Variants in SCMH1 observed in about 807,000 individuals in gnomAD.
The protein encoded by SCMH1 is Scm polycomb group protein homolog 1, also known as polycomb protein SCMH1.
Under a neutral mutation model 70.8 loss-of-function variants are expected in SCMH1, and 37 were observed. The ratio of observed to expected loss-of-function variants is 0.52; its 90% CI spans 0.40 to 0.69. SCMH1 has a LOEUF of 0.69. Ranked by LOEUF, SCMH1 falls within the 30% of genes least tolerant of loss-of-function variation. The pLI, the probability that SCMH1 is intolerant of heterozygous loss-of-function variation, is 0.00. For missense variants in SCMH1, 607 were observed against 827.3 expected (o/e 0.73, Z 3.27); for synonymous variants, 292 against 307.4 (o/e 0.95, Z 0.52).
chr1:41,238,193 T>C (rs1367921744), intron 1 of SCMH1, among the ~76,000 whole-genome samples: 1 of 152,188 alleles, frequency 6.6e-6, no homozygotes, highest in Non-Finnish European at 1.5e-5. Context: ...TAGAAAACCA[T>C]GGGTATATCC....
chr1:41,061,917 TAC>T (rs1652803050), intron 10 of SCMH1, among the ~76,000 whole-genome samples: 1 of 152,126 alleles, frequency 6.6e-6, no homozygotes, highest in Admixed American at 6.5e-5. Context: ...CAGGTTGGAG[TAC>T]AGTGTTGTGA....
chr1:41,118,024 G>A (rs61634214), intron 6 of SCMH1, among the ~76,000 whole-genome samples: 11,882 of 151,956 alleles, frequency 0.078, 600 homozygotes, highest in South Asian at 0.13. Flanking sequence ...TCTTGTCTCC[G>A]CACACAGGGA....
intron 13 of SCMH1, among the ~76,000 whole-genome samples, chr1:41,031,126 A>C (rs1319401663): frequency 6.6e-6 from 1 of 152,142 alleles, no homozygotes; most frequent in Non-Finnish European, 1.5e-5. Flanking sequence ...GTCTCTACAA[A>C]ACAAGTAAAA....
chr1:41,091,007 C>A (rs1265808704), intron 8 of SCMH1, among the ~76,000 whole-genome samples: 17 of 149,668 alleles, frequency 1.1e-4, no homozygotes, highest in Non-Finnish European at 2.2e-4. Context: ...CCACTGCACT[C>A]CGGCCTGGGC....
chr1:41,128,921 A>G (rs1673912791), intron 6 of SCMH1, among the ~76,000 whole-genome samples: 1 of 152,022 alleles, frequency 6.6e-6, no homozygotes, highest in Non-Finnish European at 1.5e-5. Context: ...CAATTCCAAC[A>G]GTAATATGTT....
At chr1:41,212,245 T>C (rs191942705) in intron 1 of SCMH1, among the ~76,000 whole-genome samples, 18 of 152,246 alleles carry the variant, frequency 1.2e-4, no homozygotes, top group Admixed American at 9.2e-4. Flanking sequence ...TACATAAAGG[T>C]AATGAGTGGA....
intron 2 of SCMH1, among the ~76,000 whole-genome samples, chr1:41,168,472 G>C (rs1417299586): frequency 6.6e-6 from 1 of 151,602 alleles, no homozygotes; most frequent in Non-Finnish European, 1.5e-5. Flanking sequence ...TCACATCTTT[G>C]ATGTCTATTT....
intron 6 of SCMH1, among the ~76,000 whole-genome samples, chr1:41,125,965 T>C (rs934146973): frequency 6.6e-6 from 1 of 152,102 alleles, no homozygotes; most frequent in African/African-American, 2.4e-5. Flanking sequence ...CATATGTATA[T>C]ACACACACAC....
At chr1:41,136,860 C>T (rs1192371487) in intron 6 of SCMH1, among the ~76,000 whole-genome samples, 1 of 150,514 alleles carries the variant, frequency 6.6e-6, no homozygotes, top group Non-Finnish European at 1.5e-5. Context: ...TCACTGTAAC[C>T]TCAAACTCCT....
intron 2 of SCMH1, among the ~76,000 whole-genome samples, chr1:41,167,120 A>T (rs1397277002): frequency 1.3e-5 from 2 of 152,062 alleles, no homozygotes; most frequent in African/African-American, 2.4e-5. Context: ...TTTGTCCTTT[A>T]TTCTGTTACA....
At chr1:41,171,151 G>C (rs1214056691) in intron 2 of SCMH1, among the ~76,000 whole-genome samples, 1 of 152,180 alleles carries the variant, frequency 6.6e-6, no homozygotes, top group Non-Finnish European at 1.5e-5. Context: ...CAGTAGCAGA[G>C]ATCAACATTG....
chr1:41,037,239 C>T (rs1377630397), intron 13 of SCMH1, 123 bp downstream of exon 13: 11 of 956,630 alleles, frequency 1.1e-5, no homozygotes, highest in Non-Finnish European at 1.5e-6. Context: ...TAAGTCCAGT[C>T]CCTAGTCCCA....
chr1:41,027,698 GTAT>G (rs1324571857), exon 15 of SCMH1: 3 of 154,138 alleles, frequency 1.9e-5, no homozygotes, highest in African/African-American at 7.2e-5. Context: ...TGTGGGAGGA[GTAT>G]TAACTACAGG....
chr1:41,068,155 CTT>C (rs1454716050), intron 10 of SCMH1, among the ~76,000 whole-genome samples: 1 of 152,110 alleles, frequency 6.6e-6, no homozygotes, highest in Non-Finnish European at 1.5e-5. Flanking sequence ...ACCAAACAGA[CTT>C]TGGAAAATGC....
At chr1:41,159,529 G>C (rs923626319) in intron 4 of SCMH1, among the ~76,000 whole-genome samples, 3 of 152,134 alleles carry the variant, frequency 2.0e-5, no homozygotes, top group Admixed American at 2.0e-4. Flanking sequence ...TGAGGAAATA[G>C]GCTTAGAAAG....
At chr1:41,199,141 A>C (rs1310113248) in intron 1 of SCMH1, among the ~76,000 whole-genome samples, 1 of 152,242 alleles carries the variant, frequency 6.6e-6, no homozygotes, top group Non-Finnish European at 1.5e-5. Flanking sequence ...ACTATGTGTT[A>C]GGCACTTTAA....
chr1:41,221,176 C>T (rs1659171634), intron 1 of SCMH1, among the ~76,000 whole-genome samples: 1 of 152,070 alleles, frequency 6.6e-6, no homozygotes, highest in African/African-American at 2.4e-5. Flanking sequence ...TTATATAATT[C>T]CTCTTATATG....
At chr1:41,121,341 G>A (rs988261240) in intron 6 of SCMH1, among the ~76,000 whole-genome samples, 9 of 152,184 alleles carry the variant, frequency 5.9e-5, no homozygotes, top group South Asian at 2.1e-4. Context: ...CAACTACTCC[G>A]TCTCCAGAGC....
chr1:41,050,624 A>G (rs1432074732), intron 10 of SCMH1, among the ~76,000 whole-genome samples: 4 of 152,216 alleles, frequency 2.6e-5, no homozygotes, highest in African/African-American at 9.6e-5. Flanking sequence ...GAACGAATAC[A>G]TTTAACTCTG....
Sources: allele counts gnomAD v4.1 joint callset (sites outside exome capture counted in the v4.1 genomes callset), GRCh38; gene constraint gnomAD v4.1.1; transcripts MANE v1.5; gene names NCBI Gene and HGNC (gene_info 2026-07-23, HGNC 2026-07-21).